DPP6: variants seen among roughly 807,000 people sequenced by gnomAD.
The protein encoded by DPP6 is dipeptidyl peptidase like 6, also known as A-type potassium channel modulatory protein DPP6.
A neutral mutation model predicts 122.6 loss-of-function variants in DPP6; 69 were observed. That is an observed-to-expected ratio of 0.56 (90% CI 0.46 to 0.69). DPP6 has a LOEUF of 0.69. DPP6 is among the 30% of genes least tolerant of loss of function. The pLI is 0.00. For synonymous variants in DPP6, 418 were observed against 433.1 expected, an observed-to-expected ratio of 0.97 and a Z score of 0.43; for missense variants, 928 against 1,116.9, an observed-to-expected ratio of 0.83 and a Z score of 2.41.
chr7:154,191,171 C>T (rs775164909), intron 1 of DPP6, among the ~76,000 whole-genome samples: 5 of 152,168 alleles, frequency 3.3e-5, no homozygotes, highest in Admixed American at 6.5e-5. Context: ...TTTCTGCAAA[C>T]GTTGCCTGAG....
At chr7:153,848,686 AT>A in the DPP6 span, among the ~76,000 whole-genome samples, 5 of 152,232 alleles carry the variant, frequency 3.3e-5, no homozygotes, top group African/African-American at 1.2e-4. Flanking sequence ...CTACTTTATC[AT>A]TATGAAACCC....
chr7:154,126,528 G>C, intron 1 of DPP6, among the ~76,000 whole-genome samples: 1 of 151,410 alleles, frequency 6.6e-6, no homozygotes, highest in East Asian at 1.9e-4. Flanking sequence ...CTGCCCTCTT[G>C]GTAGATCAGC....
chr7:154,478,425 T>C (rs573324976), intron 3 of DPP6, among the ~76,000 whole-genome samples: 1 of 152,238 alleles, frequency 6.6e-6, no homozygotes, highest in Non-Finnish European at 1.5e-5. Context: ...CATCACAGTC[T>C]CCTCTTCCTC....
At chr7:154,229,118 A>C (rs1180579041) in intron 1 of DPP6, among the ~76,000 whole-genome samples, 4 of 152,050 alleles carry the variant, frequency 2.6e-5, no homozygotes, top group Non-Finnish European at 5.9e-5. Flanking sequence ...ATAATAACAC[A>C]TTATAGTTAT....
chr7:154,793,946 G>T (rs1348683577), intron 10 of DPP6, 133 bp from the exon 11 acceptor site: 4 of 1,382,670 alleles, frequency 2.9e-6, no homozygotes, highest in Non-Finnish European at 3.9e-6. Flanking sequence ...TCAGAAGCTC[G>T]CAGGCTGGCT....
chr7:153,760,520 G>C, the DPP6 span, among the ~76,000 whole-genome samples: 1 of 152,074 alleles, frequency 6.6e-6, no homozygotes, highest in Non-Finnish European at 1.5e-5. Flanking sequence ...ACCTACTTCA[G>C]AGCTATTTTT....
chr7:153,838,709 C>T, the DPP6 span, among the ~76,000 whole-genome samples: 1 of 152,082 alleles, frequency 6.6e-6, no homozygotes, highest in South Asian at 2.1e-4. Flanking sequence ...AAATGAGAAA[C>T]GTTTTCTGAA....
At chr7:154,644,114 G>T (rs911426861) in intron 6 of DPP6, among the ~76,000 whole-genome samples, 1 of 152,148 alleles carries the variant, frequency 6.6e-6, no homozygotes, top group Non-Finnish European at 1.5e-5. Context: ...AGTAGTATTG[G>T]TCTTTACAAT....
chr7:154,524,331 C>T (rs1827235589), intron 3 of DPP6, among the ~76,000 whole-genome samples: 1 of 152,196 alleles, frequency 6.6e-6, no homozygotes, highest in African/African-American at 2.4e-5. Flanking sequence ...TGGAGAGCCC[C>T]TCCAGAGGGT....
At chr7:154,810,795 C>T (rs1029567617) in intron 16 of DPP6, among the ~76,000 whole-genome samples, 1 of 152,084 alleles carries the variant, frequency 6.6e-6, no homozygotes, top group African/African-American at 2.4e-5. Flanking sequence ...CACACACACA[C>T]AACTAACCTG....
At position 153,971,105 on chromosome 7, in the gene DPP6, C is replaced by T. The variant is rs569101596; in HGVS notation, c.51+83371C>T. 5.7e-4 allele frequency among the ~76,000 whole-genome samples: 86 copies of T among 152,038 alleles called. No homozygotes were observed. The Middle Eastern group carries it at 0.01, about 18-fold the overall frequency. On this transcript the variant is annotated intron_variant, in intron 1 of 25. Coordinates refer to the DPP6 transcript ENST00000404039. ...ATGTTAGTAACATTAAGTGTATTTG[C>T]GTGTAGATCTCTTTATTTAGGTATT...
chr7:154,783,317 G>A (rs1284493136), intron 10 of DPP6, among the ~76,000 whole-genome samples: 3 of 152,284 alleles, frequency 2.0e-5, no homozygotes, highest in Admixed American at 6.5e-5. Flanking sequence ...CACACAGGAC[G>A]GGCAGGGTCT....
chr7:154,883,281 C>CACAT (rs1491336150), intron 21 of DPP6, among the ~76,000 whole-genome samples: 3 of 68,988 alleles, frequency 4.3e-5, no homozygotes, highest in Non-Finnish European at 8.8e-5. Flanking sequence ...CACACATGCT[C>CACAT]ACACATACAC....
At chr7:153,812,192 G>T in the DPP6 span, among the ~76,000 whole-genome samples, 9 of 152,138 alleles carry the variant, frequency 5.9e-5, 1 homozygote, top group Admixed American at 5.2e-4. Context: ...AAGGAAACTG[G>T]TTTACCCTGA....
intron 1 of DPP6, among the ~76,000 whole-genome samples, chr7:153,972,437 T>C (rs1796070046): frequency 6.6e-6 from 1 of 152,044 alleles, no homozygotes; most frequent in African/African-American, 2.4e-5. Flanking sequence ...TGGGGCTAGC[T>C]CCTCTAAGCT....
intron 1 of DPP6, among the ~76,000 whole-genome samples, chr7:154,444,934 T>C (rs1348975370): frequency 2.0e-5 from 3 of 152,232 alleles, no homozygotes; most frequent in Non-Finnish European, 2.9e-5. Context: ...AATTAAGTTA[T>C]AGATGGCAAA....
At chr7:154,270,828 T>C (rs1279343977) in intron 1 of DPP6, among the ~76,000 whole-genome samples, 1 of 152,156 alleles carries the variant, frequency 6.6e-6, no homozygotes, top group Non-Finnish European at 1.5e-5. Flanking sequence ...GGGCTCAGTC[T>C]GATTCCAAAG....
intron 17 of DPP6, among the ~76,000 whole-genome samples, chr7:154,862,345 T>G (rs1413235618): frequency 1.3e-5 from 2 of 152,252 alleles, no homozygotes; most frequent in Non-Finnish European, 2.9e-5. Flanking sequence ...GGAACCAGTC[T>G]CCTGAATCCC....
intron 1 of DPP6, among the ~76,000 whole-genome samples, chr7:154,099,253 C>T (rs1368152733): frequency 6.6e-6 from 1 of 152,134 alleles, no homozygotes; most frequent in African/African-American, 2.4e-5. Flanking sequence ...CCTAATAATC[C>T]AGTCATTCAC....
Sources: gnomAD v4.1 joint callset for allele counts (sites outside exome capture counted in the v4.1 genomes callset) on GRCh38, gnomAD v4.1.1 for gene constraint, MANE v1.5 for transcripts, NCBI Gene and HGNC (gene_info 2026-07-23, HGNC 2026-07-21) for gene names.